Variants in COL4A2 observed in about 807,000 individuals in gnomAD.
COL4A2 encodes collagen alpha-2(IV) chain.
In COL4A2, 99 loss-of-function variants were observed where a neutral mutation model predicts 200.2. The ratio of observed to expected loss-of-function variants is 0.49; its 90% CI spans 0.42 to 0.58. COL4A2 has a LOEUF of 0.58. COL4A2 is among the 20% of genes least tolerant of loss of function. COL4A2 has a pLI of 0.00. For missense variants in COL4A2, 1,950 were observed against 2,314.1 expected (o/e 0.84, Z 3.23); for synonymous variants, 897 against 900.6 (o/e 1.00, Z 0.07).
At chr13:110,483,623 T>C (rs935784068) in intron 32 of COL4A2, among the ~76,000 whole-genome samples, 1 of 151,970 alleles carries the variant, frequency 6.6e-6, no homozygotes, top group Non-Finnish European at 1.5e-5. Context: ...ATGCCACGTG[T>C]CGTCTGACTG....
chr13:110,338,873 T>C (rs773645490), intron 3 of COL4A2, among the ~76,000 whole-genome samples: 6 of 152,200 alleles, frequency 3.9e-5, no homozygotes, highest in Non-Finnish European at 7.3e-5. Flanking sequence ...AGTAAGGAGC[T>C]CGGGTTTTTG....
In COL4A2 at chr13:110,508,000, G is replaced by C; in HGVS notation, c.4660G>C (p.Val1554Leu). 6.2e-7 allele frequency: 1 copy of C among 1,614,216 alleles called. No homozygotes were observed. Among genetic ancestry groups the C allele is most frequent in the Non-Finnish European group, 8.5e-7 (1 of 1,180,044 alleles). The change falls in exon 47 of 48, where the codon GTC (valine) becomes CTC (leucine). Residue 1554 changes from valine to leucine, a missense_variant. By Grantham distance (32) the Val-to-Leu change is conservative. Around this residue, in one of 2 missense-constraint regions of COL4A2, gnomAD observed 1,385 missense variants for 1,720.5 expected, o/e 0.80. Transcript: ENST00000360467. ...CTTCCTGTACTGCAACCCTGGTGAT[G>C]TCTGCTACTATGCCAGCCGGAACGA... The part of the protein sequence containing the change: ...MPFLYCNPGD[V>L]CYYASRNDKS...
Position 110,506,597 on chromosome 13 carries a change from C to T in COL4A2, c.4585C>T (p.Gln1529Ter), listed in dbSNP as rs1216560732. Residue 1529 changes from glutamine to a stop codon, truncating the protein, a stop_gained, in exon 46 of 48, where the codon CAG becomes TAG. Transcript: ENST00000360467. LOFTEE classifies it high-confidence loss of function. ...CGAGGGCCAGGAGAAGGCGCACAACCAGGACCTGGGTAGGTACCTCCCACC... is the reference window on the plus strand; with the variant it reads ...CGAGGGCCAGGAGAAGGCGCACAACTAGGACCTGGGTAGGTACCTCCCACC... ...YFEGQEKAHN[Q>*]DLGLAGSCLA... The T allele has an allele frequency of 2.5e-6, 4 of 1,610,598 alleles. No individual in the cohort carries two copies. Among genetic ancestry groups the T allele is most frequent in the Non-Finnish European group, 3.4e-6 (4 of 1,178,378 alleles).
chr13:110,427,284 G>T (rs1428148206), intron 6 of COL4A2, among the ~76,000 whole-genome samples: 2 of 152,072 alleles, frequency 1.3e-5, no homozygotes, highest in Admixed American at 6.5e-5. Context: ...CGAGTAGCTG[G>T]GATTACAGGT....
At chr13:110,493,542 G>A (rs963293902) in intron 39 of COL4A2, among the ~76,000 whole-genome samples, 2 of 152,202 alleles carry the variant, frequency 1.3e-5, no homozygotes, top group East Asian at 3.9e-4. Context: ...GACGGAGAGA[G>A]AAATAGAGTC....
Position 110,506,401 on chromosome 13 carries a change from T to A in COL4A2, c.4403-14T>A, listed in dbSNP as rs750003780. 3 of 1,572,966 alleles carry A rather than the reference T, an allele frequency of 1.9e-6. No individual in the cohort carries two copies. Among genetic ancestry groups the A allele is most frequent in the Non-Finnish European group, 2.6e-6 (3 of 1,160,106 alleles). On this transcript the variant is annotated splice_polypyrimidine_tract_variant and intron_variant, in intron 45 of 47. Coordinates refer to ENST00000360467, the MANE Select transcript of COL4A2 (RefSeq NM_001846.4). ...GCACCAGGCCGTCCACTCTCTCTCT[T>A]TCTCGGGCTGCAGGTGCACCAGGCC...
intron 35 of COL4A2, 95 bp from the exon 36 acceptor site, chr13:110,489,616 T>C: frequency 6.3e-7 from 1 of 1,593,136 alleles, no homozygotes; most frequent in Non-Finnish European, 8.6e-7. Flanking sequence ...TAAAACAAAT[T>C]ATTCTTGTTA....
At position 110,409,248 on chromosome 13, in the gene COL4A2, C is replaced by T. The variant is rs115317603; in HGVS notation, c.181-15486C>T. On this transcript the variant is annotated intron_variant, in intron 4 of 47. Transcript: ENST00000360467. ...GCACAAAAATCTCACAAGAACATCA[C>T]GGGTGAAGCTTTCTAGGAATAATCT... Among the ~76,000 whole-genome samples, 1,145 of 152,282 alleles carry T rather than the reference C, an allele frequency of 7.5e-3. 20 individuals carry two copies. The highest frequency in any genetic ancestry group is 0.026 in the African/African-American group (1,063 of 41,552).
chr13:110,482,914 G>C (rs1366311724), intron 32 of COL4A2, among the ~76,000 whole-genome samples: 1 of 152,128 alleles, frequency 6.6e-6, no homozygotes, highest in Non-Finnish European at 1.5e-5. Context: ...GCATCGCTAA[G>C]AACCAAATAT....
intron 3 of COL4A2, among the ~76,000 whole-genome samples, chr13:110,343,485 TG>T (rs1876555002): frequency 6.6e-6 from 1 of 152,164 alleles, no homozygotes; most frequent in East Asian, 1.9e-4. Context: ...GTGATTCACT[TG>T]GCAGCGTACC....
intron 27 of COL4A2, among the ~76,000 whole-genome samples, chr13:110,468,767 T>A (rs1380159699): frequency 1.3e-5 from 2 of 152,220 alleles, no homozygotes; most frequent in Non-Finnish European, 2.9e-5. Flanking sequence ...AAAACACTTC[T>A]GGAGCCCACA....
chr13:110,321,930 G>A (rs545228073), intron 3 of COL4A2, among the ~76,000 whole-genome samples: 1 of 152,286 alleles, frequency 6.6e-6, no homozygotes, highest in South Asian at 2.1e-4. Context: ...TTGACATGTG[G>A]GGATGATTAC....
intron 21 of COL4A2, chr13:110,458,270 C>G (rs937552347): frequency 2.6e-6 from 1 of 386,996 alleles, no homozygotes; most frequent in Non-Finnish European, 5.2e-6. Flanking sequence ...CCTTGCTGCC[C>G]AACTCCCTGG....
intron 32 of COL4A2, among the ~76,000 whole-genome samples, chr13:110,483,757 G>A (rs1883015838): frequency 6.7e-6 from 1 of 148,258 alleles, no homozygotes. Context: ...TAAAGCTGAA[G>A]GGTTAGGGGA....
rs374846915 is a variant in COL4A2 at position 110,509,245 on chromosome 13, TTATATA to T, written c.4881+1045_4881+1050del. Among the ~76,000 whole-genome samples, 12 of 72,004 alleles carry T rather than the reference TTATATA, an allele frequency of 1.7e-4. No individual in the cohort carries two copies. In the East Asian group the frequency reaches 2.3e-3, roughly 14 times the overall value. The allele number at this position is 72,004 out of a possible 152,430, so 47.2% of individuals were successfully genotyped here. On this transcript the variant is annotated intron_variant, in intron 47 of 47. Transcript: ENST00000360467. ...CCCAGCATGTTAAATATTTCATAAA[TTATATA>T]TATATATATATATATATATACACAC...
intron 4 of COL4A2, among the ~76,000 whole-genome samples, chr13:110,371,712 G>A (rs1355363364): frequency 6.6e-6 from 1 of 152,164 alleles, no homozygotes; most frequent in Non-Finnish European, 1.5e-5. Flanking sequence ...TGTGAGCATC[G>A]ATACTCCCTG....
At chr13:110,465,937 C>A (rs1249183232) in intron 25 of COL4A2, 66 bp from the exon 26 acceptor site, 1 of 1,579,588 alleles carries the variant, frequency 6.3e-7, no homozygotes, top group Admixed American at 1.7e-5. Flanking sequence ...GTGCACGCCC[C>A]AGACGAGCCA....
intron 4 of COL4A2, among the ~76,000 whole-genome samples, chr13:110,403,716 C>G (rs760825878): frequency 7.9e-5 from 12 of 152,298 alleles, no homozygotes; most frequent in Non-Finnish European, 1.2e-4. Flanking sequence ...CAGACCCTAC[C>G]CATTACCCAG....
rs945172608 is a variant in COL4A2, at chr13:110,308,970, T to C, written c.99+847T>C. 4.6e-5 allele frequency among the ~76,000 whole-genome samples: 7 copies of C among 152,164 alleles called. No homozygotes were observed. The South Asian group carries it at 1.0e-3, about 23-fold the overall frequency. On this transcript the variant is annotated intron_variant, in intron 3 of 47. Transcript: ENST00000360467. ...TTCGAGATGTCCGCTGTCCCTCCTC[T>C]CCTTACTGTGGCCGATGGAGTAGCC...
Sources: gnomAD v4.1 joint callset for allele counts (sites outside exome capture counted in the v4.1 genomes callset) on GRCh38, gnomAD v4.1.1 for gene constraint, gnomAD v4.1.1 regional missense constraint, MANE v1.5 for transcripts, NCBI Gene and HGNC (gene_info 2026-07-23, HGNC 2026-07-21) for gene names.